PLB1: variants seen among roughly 807,000 people sequenced by gnomAD.
PLB1 encodes phospholipase B1.
Under a neutral mutation model 227.4 loss-of-function variants are expected in PLB1, and 242 were observed. The ratio of observed to expected loss-of-function variants is 1.06; its 90% CI spans 0.96 to 1.18. The LOEUF is 1.18. PLB1 is among the 50% of genes most tolerant of loss of function. The pLI is 0.00. For synonymous variants in PLB1, 757 were observed against 682.2 expected, an observed-to-expected ratio of 1.11 and a Z score of -1.71; for missense variants, 1,858 against 1,816.3, an observed-to-expected ratio of 1.02 and a Z score of -0.42.
chr2:28,539,797 G>A (rs1672211162), intron 11 of PLB1, among the ~76,000 whole-genome samples: 3 of 151,966 alleles, frequency 2.0e-5, no homozygotes, highest in Admixed American at 2.0e-4. Context: ...GGATGTGGGT[G>A]TCTGGTGTGA....
intron 5 of PLB1, 97 bp from the exon 6 acceptor site, chr2:28,525,808 C>A: frequency 6.9e-7 from 1 of 1,459,214 alleles, no homozygotes; most frequent in Admixed American, 1.9e-5. Context: ...AAGGCTAGGC[C>A]AAAGACTACT....
chr2:28,605,904 C>G lies in PLB1; in HGVS notation c.3013C>G (p.Gln1005Glu). The G allele has an allele frequency of 6.2e-7, 1 of 1,613,940 alleles. No homozygotes were observed. The highest frequency in any genetic ancestry group is 8.5e-7 in the Non-Finnish European group (1 of 1,179,848). The change falls in exon 42 of 58, where the codon CAG becomes GAG. Residue 1005 changes from glutamine to glutamate, a missense_variant. Coordinates refer to ENST00000327757, the MANE Select transcript of PLB1 (RefSeq NM_153021.5). ...TGCCCCAGACTGCATCCACCCAAAT[C>G]AGAAATTCCACTCCCAGCTGGCCAG... Reference protein sequence around the residue: ...FFAPDCIHPNQKFHSQLARAL... With the variant: ...FFAPDCIHPNEKFHSQLARAL...
chr2:28,564,502 G>A (rs1328075960), intron 18 of PLB1, among the ~76,000 whole-genome samples: 1 of 152,178 alleles, frequency 6.6e-6, no homozygotes, highest in Non-Finnish European at 1.5e-5. Context: ...CTTCCTGCCC[G>A]GCGGGGCCTG....
At chr2:28,600,322 A>T (rs1160647742) in intron 35 of PLB1, among the ~76,000 whole-genome samples, 1 of 152,236 alleles carries the variant, frequency 6.6e-6, no homozygotes, top group Non-Finnish European at 1.5e-5. Flanking sequence ...TAAGAGAAAA[A>T]TCGCAGCCAT....
chr2:28,629,712 G>C (rs375388857), intron 53 of PLB1, among the ~76,000 whole-genome samples: 52 of 152,324 alleles, frequency 3.4e-4, no homozygotes, highest in South Asian at 2.3e-3. Flanking sequence ...CAGGGTCTTA[G>C]GAAATAGCTC....
chr2:28,541,993 C>A (rs1329616930), intron 13 of PLB1, among the ~76,000 whole-genome samples, 182 bp downstream of exon 13: 1 of 152,084 alleles, frequency 6.6e-6, no homozygotes, highest in Non-Finnish European at 1.5e-5. Context: ...ATTAGCCAGG[C>A]ATGATGGTGG....
At chr2:28,501,348 G>T (rs919694389) in intron 1 of PLB1, among the ~76,000 whole-genome samples, 1 of 152,090 alleles carries the variant, frequency 6.6e-6, no homozygotes, top group African/African-American at 2.4e-5. Context: ...AAATTCCTTT[G>T]CCATACTTCC....
In PLB1 at chr2:28,529,414, T is replaced by C. The variant is rs758847654; in HGVS notation, c.416+7T>C. 1 of 1,577,084 alleles carries C rather than the reference T, an allele frequency of 6.3e-7. No individual in the cohort carries two copies. Among genetic ancestry groups the C allele is most frequent in the South Asian group, 1.1e-5 (1 of 90,228 alleles). On this transcript the variant is annotated splice_region_variant and intron_variant, in intron 7 of 57. Coordinates refer to ENST00000327757, the MANE Select transcript of PLB1 (RefSeq NM_153021.5). ...TACCCCACGATGGTGCTGAGTAAGT[T>C]CCCTTTCTGTCTCTCTCTGAGGTTA...
Position 28,537,350 on chromosome 2 carries a change from G to A in PLB1, c.556-969G>A, listed in dbSNP as rs1354505037. On this transcript the variant is annotated intron_variant, in intron 9 of 57. Transcript: ENST00000327757. ...ACAGCCAGTCTGCTGTTTGTTAGGGGACAAACTTAGAAGTTTGTCTTGTAA... is the reference window on the plus strand; with the variant it reads ...ACAGCCAGTCTGCTGTTTGTTAGGGAACAAACTTAGAAGTTTGTCTTGTAA... Among the ~76,000 whole-genome samples, 3 of 152,078 alleles carry A rather than the reference G, an allele frequency of 2.0e-5. No homozygotes were observed. In the East Asian group the frequency reaches 5.8e-4, roughly 29 times the overall value.
chr2:28,564,271 G>T (rs553245924), intron 18 of PLB1, among the ~76,000 whole-genome samples: 1 of 152,146 alleles, frequency 6.6e-6, no homozygotes, highest in Admixed American at 6.5e-5. Flanking sequence ...ATGAAGCTGG[G>T]CAAGGTGAAG....
At chr2:28,623,794 C>T (rs566468309) in intron 49 of PLB1, among the ~76,000 whole-genome samples, 4 of 152,282 alleles carry the variant, frequency 2.6e-5, no homozygotes, top group East Asian at 1.9e-4. Context: ...ATGCAATAAA[C>T]GTCACATGTT....
chr2:28,621,020 TGA>T (rs1027590073), intron 49 of PLB1, 42 bp downstream of exon 49: 1 of 1,520,088 alleles, frequency 6.6e-7, no homozygotes, highest in Non-Finnish European at 9.0e-7. Context: ...AAGGCAAGAC[TGA>T]GACATCAGGG....
chr2:28,639,111 G>C lies in PLB1; in HGVS notation c.4099-1816G>C, dbSNP rs928600914. On this transcript the variant is annotated intron_variant, in intron 56 of 57. Transcript: ENST00000327757. The stretch of plus-strand genomic sequence containing the variant: ...CTACAGGATCAACTAAGAGCTCCTA[G>C]AGAAAGAATAGGTAGGTAGAAAAGA... Among the ~76,000 whole-genome samples the C allele has an allele frequency of 2.0e-5, 3 of 151,586 alleles. No individual in the cohort carries two copies. The East Asian group carries it at 5.8e-4, about 29-fold the overall frequency.
At chr2:28,577,713 C>T (rs1370983956) in intron 21 of PLB1, among the ~76,000 whole-genome samples, 1 of 152,188 alleles carries the variant, frequency 6.6e-6, no homozygotes, top group African/African-American at 2.4e-5. Context: ...TGGTGACACA[C>T]AGCTATAATC....
chr2:28,578,865 A>G (rs915771285), intron 22 of PLB1, among the ~76,000 whole-genome samples: 3 of 152,022 alleles, frequency 2.0e-5, no homozygotes, highest in Non-Finnish European at 4.4e-5. Flanking sequence ...TCTTGTTCTC[A>G]CCTTCCTCCT....
At chr2:28,563,184 G>A (rs1676324933) in intron 18 of PLB1, 85 bp downstream of exon 18, 3 of 1,365,034 alleles carry the variant, frequency 2.2e-6, no homozygotes, top group Non-Finnish European at 2.1e-6. Context: ...GAGAGAGAAG[G>A]TCTCACGCCT....
chr2:28,591,865 G>A (rs943236702), intron 31 of PLB1, 105 bp downstream of exon 31: 15 of 1,158,602 alleles, frequency 1.3e-5, no homozygotes, highest in African/African-American at 1.1e-4. Context: ...GCACAGTGAC[G>A]GCCAGTGCTT....
Position 28,632,991 on chromosome 2 carries a change from C to A in PLB1, c.4050C>A (p.Phe1350Leu). ...LTFFSEDCFH[F>L]SDRGHAEMAI... The stretch of plus-strand genomic sequence containing the variant: ...TCTTCTCCGAGGACTGTTTTCACTT[C>A]TCAGACCGCGGGCATGCCGAGATGG... The change falls in exon 56 of 58, where the codon TTC becomes TTA. Residue 1350 changes from phenylalanine (F) to leucine (L), a missense_variant. Coordinates refer to ENST00000327757, the MANE Select transcript of PLB1 (RefSeq NM_153021.5). 2 of 1,608,010 alleles carry A rather than the reference C, an allele frequency of 1.2e-6. No individual in the cohort carries two copies. The highest frequency in any genetic ancestry group is 2.2e-5 in the South Asian group (2 of 91,076).
intron 49 of PLB1, among the ~76,000 whole-genome samples, chr2:28,622,211 A>G (rs534573673): frequency 6.6e-4 from 101 of 152,380 alleles, no homozygotes; most frequent in African/African-American, 2.4e-3. Context: ...AAAGAGAAAC[A>G]TACAAACCAT....
Sources: allele counts gnomAD v4.1 joint callset (sites outside exome capture counted in the v4.1 genomes callset), GRCh38; gene constraint gnomAD v4.1.1; transcripts MANE v1.5; gene names NCBI Gene and HGNC (gene_info 2026-07-23, HGNC 2026-07-21).